SNRPN: variants seen among roughly 807,000 people sequenced by gnomAD.
SNRPN encodes the protein small nuclear ribonucleoprotein-associated protein N.
SNRPN carries 7 observed loss-of-function variants against 25.2 expected under a neutral mutation model. That is an observed-to-expected ratio of 0.28 (90% CI 0.16 to 0.52). The LOEUF (loss-of-function observed/expected upper bound fraction) is 0.52. Among genes scored for constraint, SNRPN ranks in the 20% least tolerant of loss-of-function variants. SNRPN has a pLI of 0.96. For synonymous variants in SNRPN, 124 were observed against 110.6 expected (o/e 1.12, Z -0.76); for missense variants, 196 against 322.5 (o/e 0.61, Z 3.00).
chr15:24,922,515 G>A (rs1000769281), intron 3 of SNRPN, among the ~76,000 whole-genome samples: 8 of 152,140 alleles, frequency 5.3e-5, no homozygotes, highest in Admixed American at 1.3e-4. Context: ...CTCAAAACTC[G>A]TGGGTATCCC....
At chr15:24,829,506 G>A (rs1031699757) in intron 1 of SNRPN, among the ~76,000 whole-genome samples, 2 of 152,110 alleles carry the variant, frequency 1.3e-5, no homozygotes, top group African/African-American at 4.8e-5. Flanking sequence ...AGGAAGGGCA[G>A]ACCATGCAGG....
intron 2 of SNRPN, among the ~76,000 whole-genome samples, chr15:24,891,852 C>T (rs1161457526): frequency 6.6e-6 from 1 of 152,224 alleles, no homozygotes; most frequent in Non-Finnish European, 1.5e-5. Flanking sequence ...AAGAGATCTT[C>T]TAGCTATCAT....
intron 3 of SNRPN, among the ~76,000 whole-genome samples, chr15:24,927,228 C>T (rs1184975022): frequency 6.6e-6 from 1 of 151,850 alleles, no homozygotes; most frequent in East Asian, 1.9e-4. Context: ...TCAAAGAAAC[C>T]TCCTGCCTGA....
chr15:24,937,884 C>G (rs551139702), intron 3 of SNRPN, among the ~76,000 whole-genome samples: 2 of 152,198 alleles, frequency 1.3e-5, no homozygotes, highest in Non-Finnish European at 2.9e-5. Context: ...CCTTTTGTGA[C>G]AGGCTTATTT....
chr15:24,824,653 ATG>A (rs2049952242), intron 1 of SNRPN, among the ~76,000 whole-genome samples: 1 of 152,002 alleles, frequency 6.6e-6, no homozygotes. Flanking sequence ...TAATTTTTAT[ATG>A]TTCATTTTTA....
chr15:24,922,329 C>T (rs763381361), intron 3 of SNRPN, among the ~76,000 whole-genome samples: 1 of 152,326 alleles, frequency 6.6e-6, no homozygotes, highest in East Asian at 1.9e-4. Context: ...ATCCTCTACA[C>T]ATTTCACTGA....
chr15:24,916,957 G>A (rs780051839), intron 2 of SNRPN, among the ~76,000 whole-genome samples: 4 of 152,194 alleles, frequency 2.6e-5, no homozygotes, highest in African/African-American at 9.6e-5. Context: ...ACTGGTGGCT[G>A]GGGTGGAGTG....
upstream of SNRPN, among the ~76,000 whole-genome samples, chr15:24,950,183 T>TC (rs2062153209): frequency 3.4e-5 from 5 of 149,132 alleles, no homozygotes; most frequent in East Asian, 9.7e-4. Flanking sequence ...GTTTTTAACT[T>TC]TTTTTTTTTT....
At chr15:24,918,946 TAACA>T (rs2059841153) in intron 2 of SNRPN, among the ~76,000 whole-genome samples, 3 of 106,732 alleles carry the variant, frequency 2.8e-5, no homozygotes, top group African/African-American at 3.8e-5. Flanking sequence ...CACATATATA[TAACA>T]TAATATATAT....
rs143381839 is a variant in SNRPN at position 24,842,918 on chromosome 15, C to T, written c.-579+13013C>T. On this transcript the variant is annotated intron_variant, in intron 2 of 12. Coordinates refer to the SNRPN transcript ENST00000400100. ...AAATTATTGATATCTATCTCCATAACTTTGCCTTTTACAGAATGTCATATA... is the reference window on the plus strand; with the variant it reads ...AAATTATTGATATCTATCTCCATAATTTTGCCTTTTACAGAATGTCATATA... 2.3e-4 allele frequency among the ~76,000 whole-genome samples: 35 copies of T among 152,306 alleles called. 1 individual carries two copies. The highest frequency in any genetic ancestry group is 7.0e-4 in the African/African-American group (29 of 41,566).
intron 3 of SNRPN, chr15:24,920,130 T>C (rs780134534): frequency 2.6e-5 from 4 of 152,130 alleles, no homozygotes; most frequent in Non-Finnish European, 5.9e-5. Context: ...CTTATGTAAG[T>C]AGAAATTTTA....
chr15:24,846,032 C>T (rs1036186123), intron 2 of SNRPN, among the ~76,000 whole-genome samples: 3 of 151,948 alleles, frequency 2.0e-5, no homozygotes, highest in Non-Finnish European at 4.4e-5. Context: ...TTGCAGTAAG[C>T]CAAGATCGTG....
At chr15:24,856,460 A>G (rs1315890874), upstream of SNRPN, 1 of 152,282 alleles carries the variant, frequency 6.6e-6, no homozygotes, top group African/African-American at 2.4e-5. Flanking sequence ...AAACCCCTGC[A>G]GACATCCTTC....
intron 2 of SNRPN, among the ~76,000 whole-genome samples, chr15:24,904,458 C>G (rs568805809): frequency 6.6e-6 from 1 of 152,068 alleles, no homozygotes; most frequent in African/African-American, 2.4e-5. Flanking sequence ...AGCTCAAGAC[C>G]GGCCTGGCCA....
chr15:24,832,882 G>C (rs368289473), intron 2 of SNRPN, among the ~76,000 whole-genome samples: 3 of 151,860 alleles, frequency 2.0e-5, no homozygotes, highest in Non-Finnish European at 4.4e-5. Context: ...CGAGGCGGGC[G>C]GACCACGAGG....
intron 8 of SNRPN, 64 bp from the exon 9 acceptor site, chr15:24,978,129 G>A: frequency 6.5e-7 from 1 of 1,533,250 alleles, no homozygotes; most frequent in Admixed American, 1.8e-5. Context: ...GGATTATTTG[G>A]GCTAAATTCT....
At chr15:24,922,993 C>G (rs893178460) in intron 3 of SNRPN, among the ~76,000 whole-genome samples, 1 of 148,964 alleles carries the variant, frequency 6.7e-6, no homozygotes, top group African/African-American at 2.5e-5. Flanking sequence ...GCAACCTCCG[C>G]CTTCTGCATT....
intron 2 of SNRPN, among the ~76,000 whole-genome samples, chr15:24,900,788 A>T (rs1264415550): frequency 2.0e-5 from 3 of 152,192 alleles, no homozygotes; most frequent in African/African-American, 7.2e-5. Context: ...TCTCAGTGCT[A>T]TTACTGGGGA....
At chr15:24,939,883 G>A (rs1051381375) in intron 3 of SNRPN, among the ~76,000 whole-genome samples, 3 of 151,094 alleles carry the variant, frequency 2.0e-5, no homozygotes, top group Non-Finnish European at 4.4e-5. Flanking sequence ...TCCACCTTCC[G>A]GGTTCAAGCA....
Sources: gnomAD v4.1 joint callset for allele counts (sites outside exome capture counted in the v4.1 genomes callset) on GRCh38, gnomAD v4.1.1 for gene constraint, MANE v1.5 for transcripts, NCBI Gene and HGNC (gene_info 2026-07-23, HGNC 2026-07-21) for gene names.